Variants in CNTN1 observed in about 807,000 individuals in gnomAD.
CNTN1 encodes contactin 1.
A neutral mutation model predicts 126.4 loss-of-function variants in CNTN1; 38 were observed. The ratio of observed to expected loss-of-function variants is 0.30; its 90% CI spans 0.23 to 0.39. CNTN1 has a LOEUF of 0.39. Among genes scored for constraint, CNTN1 ranks in the 10% least tolerant of loss-of-function variants. CNTN1 has a pLI of 1.00. For synonymous variants in CNTN1, 413 were observed against 422.6 expected, an observed-to-expected ratio of 0.98 and a Z score of 0.28; for missense variants, 1,009 against 1,248.4, an observed-to-expected ratio of 0.81 and a Z score of 2.89.
chr12:40,993,361 T>C, intron 17 of CNTN1, 92 bp downstream of exon 17: 1 of 1,059,598 alleles, frequency 9.4e-7, no homozygotes, highest in South Asian at 1.4e-5. Context: ...AATAATGCTC[T>C]GAGGTAAGTG....
chr12:40,957,211 A>G (rs1946918243), intron 14 of CNTN1, among the ~76,000 whole-genome samples: 1 of 152,040 alleles, frequency 6.6e-6, no homozygotes, highest in Non-Finnish European at 1.5e-5. Flanking sequence ...ATCCAAGTAA[A>G]AATCAAACAA....
At chr12:40,944,210 TTCCTATGTG>T (rs1315113558) in intron 14 of CNTN1, 40 bp downstream of exon 14, 5 of 1,509,768 alleles carry the variant, frequency 3.3e-6, no homozygotes, top group Non-Finnish European at 4.6e-6. Context: ...ACCCCAGTGA[TTCCTATGTG>T]TCTGCATTGA....
At chr12:40,951,160 C>G (rs1436999207) in intron 14 of CNTN1, among the ~76,000 whole-genome samples, 1 of 152,042 alleles carries the variant, frequency 6.6e-6, no homozygotes, top group African/African-American at 2.4e-5. Flanking sequence ...ATTCAAAATG[C>G]TTAGGAGAAA....
At chr12:40,834,118 G>A (rs990517488) in intron 1 of CNTN1, among the ~76,000 whole-genome samples, 3 of 152,128 alleles carry the variant, frequency 2.0e-5, no homozygotes, top group Non-Finnish European at 4.4e-5. Context: ...TTAAGCAGAA[G>A]ACTAACAAGA....
chr12:40,727,037 T>C (rs576963572), intron 1 of CNTN1, among the ~76,000 whole-genome samples: 1,771 of 150,008 alleles, frequency 0.012, 24 homozygotes, highest in African/African-American at 0.04. Flanking sequence ...AAATTATTTC[T>C]TTAAAATACT....
At chr12:41,061,268 C>A (rs1054781898) in intron 23 of CNTN1, among the ~76,000 whole-genome samples, 1 of 152,138 alleles carries the variant, frequency 6.6e-6, no homozygotes, top group Non-Finnish European at 1.5e-5. Flanking sequence ...TTTTATATTT[C>A]CCAGCAAATC....
At chr12:40,780,778 C>A (rs1486026592) in intron 1 of CNTN1, among the ~76,000 whole-genome samples, 2 of 148,642 alleles carry the variant, frequency 1.3e-5, no homozygotes, top group Non-Finnish European at 3.0e-5. Context: ...GAGGTTAAGG[C>A]ATTCTATTCA....
At chr12:41,040,708 C>A (rs1198329827) in intron 23 of CNTN1, among the ~76,000 whole-genome samples, 1 of 151,854 alleles carries the variant, frequency 6.6e-6, no homozygotes, top group Non-Finnish European at 1.5e-5. Flanking sequence ...TGATTTGGCT[C>A]TCTGTTTGTC....
At chr12:40,819,709 C>A (rs749595472) in intron 1 of CNTN1, among the ~76,000 whole-genome samples, 2 of 152,202 alleles carry the variant, frequency 1.3e-5, no homozygotes, top group Admixed American at 1.3e-4. Context: ...CCCCTCCCCC[C>A]TGGAGTTCAG....
Position 40,909,282 on chromosome 12 carries a change from A to G in CNTN1, c.61+789A>G, listed in dbSNP as rs534715245. 3.3e-5 allele frequency among the ~76,000 whole-genome samples: 5 copies of G among 152,194 alleles called. No individual in the cohort carries two copies. In the East Asian group the frequency reaches 9.6e-4, roughly 29 times the overall value. On this transcript the variant is annotated intron_variant, in intron 2 of 23. Coordinates refer to ENST00000551295, the MANE Select transcript of CNTN1 (RefSeq NM_001843.4). ...GCATTCAGACCTATTTCCTACAATG[A>G]GAAGCACATCATATCTTTATCTGAA... is the stretch of plus-strand genomic sequence containing the variant.
At chr12:40,850,603 C>G (rs908352938) in intron 1 of CNTN1, among the ~76,000 whole-genome samples, 1 of 151,010 alleles carries the variant, frequency 6.6e-6, no homozygotes, top group African/African-American at 2.4e-5. Flanking sequence ...GTTCCCATTT[C>G]AACTGACATA....
chr12:40,943,319 T>C (rs1946322039), intron 12 of CNTN1, among the ~76,000 whole-genome samples: 1 of 152,082 alleles, frequency 6.6e-6, no homozygotes, highest in East Asian at 1.9e-4. Flanking sequence ...CTTTCAGGCC[T>C]ATGACTGATT....
At chr12:40,964,046 A>G (rs1034335617) in intron 15 of CNTN1, among the ~76,000 whole-genome samples, 1 of 152,270 alleles carries the variant, frequency 6.6e-6, no homozygotes, top group East Asian at 1.9e-4. Flanking sequence ...TTTAACTTGT[A>G]CATGTATTAC....
At chr12:40,842,980 G>A (rs1484143647) in intron 1 of CNTN1, among the ~76,000 whole-genome samples, 5 of 152,066 alleles carry the variant, frequency 3.3e-5, no homozygotes, top group African/African-American at 1.2e-4. Flanking sequence ...CATACCTGAA[G>A]GCTGTATAAG....
At chr12:40,810,514 A>C (rs1012676378) in intron 1 of CNTN1, among the ~76,000 whole-genome samples, 1 of 151,908 alleles carries the variant, frequency 6.6e-6, no homozygotes, top group Non-Finnish European at 1.5e-5. Context: ...CCACGTTTGT[A>C]CCCTTTGACC....
At chr12:40,851,368 C>T (rs548549011) in intron 1 of CNTN1, among the ~76,000 whole-genome samples, 2 of 152,274 alleles carry the variant, frequency 1.3e-5, no homozygotes, top group East Asian at 1.9e-4. Flanking sequence ...TATACGTGCA[C>T]ACTCACATGT....
intron 1 of CNTN1, among the ~76,000 whole-genome samples, chr12:40,752,828 A>G (rs1938455463): frequency 6.6e-6 from 1 of 152,096 alleles, no homozygotes; most frequent in South Asian, 2.1e-4. Flanking sequence ...ATTTTCCTCA[A>G]TATTACTAAA....
chr12:40,880,418 T>A lies in CNTN1; in HGVS notation c.-76-27939T>A, dbSNP rs542404266. On this transcript the variant is annotated intron_variant, in intron 1 of 23. Coordinates refer to ENST00000551295, the MANE Select transcript of CNTN1 (RefSeq NM_001843.4). ...GCTGAGTAAATGGTTATAAAGAAAA[T>A]AATAAAGTCATCAAGTTTTCAGGAT... Among the ~76,000 whole-genome samples the A allele has an allele frequency of 6.6e-4, 101 of 152,078 alleles. 1 individual carries two copies. The highest frequency in any genetic ancestry group is 2.3e-3 in the African/African-American group (96 of 41,544).
chr12:40,908,450 G>A lies in CNTN1; in HGVS notation c.18G>A (p.Leu6=). MKMWL[L]VSHLVIISIT... ...AATACAAGATGAAAATGTGGTTGCTGGTCAGTCATCTTGTGATAATATCTA... is the reference window on the plus strand; with the variant it reads ...AATACAAGATGAAAATGTGGTTGCTAGTCAGTCATCTTGTGATAATATCTA... The change falls in exon 2 of 24, where the codon CTG becomes CTA. Residue 6 remains leucine (L), a synonymous_variant. Coordinates refer to ENST00000551295, the MANE Select transcript of CNTN1 (RefSeq NM_001843.4). The A allele has an allele frequency of 6.2e-7, 1 of 1,612,684 alleles. No homozygotes were observed. The highest frequency in any genetic ancestry group is 2.2e-5 in the East Asian group (1 of 44,766).
Sources: allele counts gnomAD v4.1 joint callset (sites outside exome capture counted in the v4.1 genomes callset), GRCh38; gene constraint gnomAD v4.1.1; transcripts MANE v1.5; gene names NCBI Gene and HGNC (gene_info 2026-07-23, HGNC 2026-07-21).